Variants in DNAJC15 observed in about 807,000 individuals in gnomAD.
The protein encoded by DNAJC15 is dnaJ homolog subfamily C member 15.
DNAJC15 carries 27 observed loss-of-function variants against 22.4 expected under a neutral mutation model. The ratio of observed to expected loss-of-function variants is 1.20; its 90% CI spans 0.89 to 1.66. The LOEUF (loss-of-function observed/expected upper bound fraction) is 1.66, where lower values mean the gene tolerates loss of function less well. DNAJC15 is among the 40% of genes most tolerant of loss of function. DNAJC15 has a pLI of 0.00. For synonymous variants in DNAJC15, 79 were observed against 63.2 expected, an observed-to-expected ratio of 1.25 and a Z score of -1.19; for missense variants, 208 against 187.1, an observed-to-expected ratio of 1.11 and a Z score of -0.65.
chr13:43,085,915 G>C, intron 5 of DNAJC15, 77 bp downstream of exon 5: 2 of 1,195,816 alleles, frequency 1.7e-6, no homozygotes, highest in Non-Finnish European at 1.2e-6. Flanking sequence ...AGTCATATAT[G>C]ATATATAGTT....
intron 5 of DNAJC15, among the ~76,000 whole-genome samples, chr13:43,086,952 G>A (rs913227273): frequency 6.6e-6 from 1 of 151,590 alleles, no homozygotes; most frequent in African/African-American, 2.4e-5. Flanking sequence ...TCGGAGCAAG[G>A]GATCAGCATT....
chr13:43,061,011 G>T (rs2040556305), intron 1 of DNAJC15, among the ~76,000 whole-genome samples: 1 of 152,176 alleles, frequency 6.6e-6, no homozygotes, highest in Non-Finnish European at 1.5e-5. Flanking sequence ...GATGGGGCCT[G>T]AGAAATTCCT....
chr13:43,085,133 G>A (rs1213910082), intron 4 of DNAJC15, among the ~76,000 whole-genome samples: 1 of 152,164 alleles, frequency 6.6e-6, no homozygotes, highest in Admixed American at 6.5e-5. Context: ...GGAGGCCAAG[G>A]TGGGTGGATC....
At position 43,107,293 on chromosome 13, in the gene DNAJC15, A is replaced by G. The variant is rs773573866; in HGVS notation, c.*45A>G. The G allele has an allele frequency of 7.1e-7, 1 of 1,413,738 alleles. No individual in the cohort carries two copies. Among genetic ancestry groups the G allele is most frequent in the South Asian group, 1.5e-5 (1 of 66,394 alleles). 87.6% of individuals were successfully genotyped at this position (1,413,738 alleles called of 1,614,324 possible). On this transcript the variant is annotated 3_prime_UTR_variant, in exon 6 of 6. Transcript: ENST00000379221. The stretch of plus-strand genomic sequence containing the variant: ...AGGAAAAAAAAAGAGGGGACTTCGA[A>G]AAAAAAAAAAGCCCTGCAAAATATT...
intron 1 of DNAJC15, among the ~76,000 whole-genome samples, chr13:43,046,808 G>C (rs2040479370): frequency 6.6e-6 from 1 of 152,178 alleles, no homozygotes; most frequent in Non-Finnish European, 1.5e-5. Flanking sequence ...TGCCGTCGCA[G>C]ACCTGCCGCT....
intron 1 of DNAJC15, among the ~76,000 whole-genome samples, chr13:43,057,351 C>G (rs2040536677): frequency 6.6e-6 from 1 of 152,022 alleles, no homozygotes; most frequent in Non-Finnish European, 1.5e-5. Flanking sequence ...AAAGCCTTGT[C>G]TTTGAGCTAT....
chr13:43,041,146 A>G (rs1175253763), intron 1 of DNAJC15, among the ~76,000 whole-genome samples: 3 of 152,076 alleles, frequency 2.0e-5, no homozygotes, highest in African/African-American at 4.8e-5. Flanking sequence ...CATATTTCAG[A>G]CTATCACATG....
At chr13:43,059,953 G>A (rs368860777) in intron 1 of DNAJC15, among the ~76,000 whole-genome samples, 42 of 152,288 alleles carry the variant, frequency 2.8e-4, no homozygotes, top group African/African-American at 1.0e-3. Flanking sequence ...ATCAGTTAGG[G>A]TGGGGCAGAA....
chr13:43,071,849 CT>C (rs1017062808), intron 3 of DNAJC15, among the ~76,000 whole-genome samples: 2 of 151,954 alleles, frequency 1.3e-5, no homozygotes, highest in Non-Finnish European at 2.9e-5. Context: ...CTTTTTCATA[CT>C]TTTTTTTCAT....
chr13:43,045,591 GA>G (rs1440086641), intron 1 of DNAJC15, among the ~76,000 whole-genome samples: 3 of 152,198 alleles, frequency 2.0e-5, no homozygotes, highest in Admixed American at 2.0e-4. Context: ...TACAATGCCT[GA>G]AATCTATGGG....
At chr13:43,102,054 C>G (rs943886332) in intron 5 of DNAJC15, among the ~76,000 whole-genome samples, 5 of 152,184 alleles carry the variant, frequency 3.3e-5, no homozygotes, top group Non-Finnish European at 5.9e-5. Context: ...AGCAGTGTAT[C>G]AGTGTTCCCT....
At chr13:43,068,283 T>C (rs1259319901) in intron 2 of DNAJC15, among the ~76,000 whole-genome samples, 7 of 152,124 alleles carry the variant, frequency 4.6e-5, no homozygotes, top group Non-Finnish European at 4.4e-5. Flanking sequence ...TGTTTTACTA[T>C]TGACTCTTAG....
chr13:43,035,633 G>T (rs1490911892), intron 1 of DNAJC15, among the ~76,000 whole-genome samples: 2 of 152,140 alleles, frequency 1.3e-5, no homozygotes, highest in African/African-American at 4.8e-5. Flanking sequence ...GTACTTAAGA[G>T]ATTTCTATAT....
At chr13:43,069,701 G>C (rs1237977796) in intron 3 of DNAJC15, among the ~76,000 whole-genome samples, 1 of 152,172 alleles carries the variant, frequency 6.6e-6, no homozygotes, top group Non-Finnish European at 1.5e-5. Flanking sequence ...ATCTGGGATA[G>C]ATCAACTTGG....
At chr13:43,024,337 GTTTTTT>G (rs376910976) in intron 1 of DNAJC15, among the ~76,000 whole-genome samples, 2,384 of 93,292 alleles carry the variant, frequency 0.026, 44 homozygotes, top group East Asian at 0.1. Flanking sequence ...GTATTTTTAC[GTTTTTT>G]TTTTTTTTTT....
chr13:43,099,653 T>A (rs1015953558), intron 5 of DNAJC15, among the ~76,000 whole-genome samples: 1 of 152,194 alleles, frequency 6.6e-6, no homozygotes, highest in Non-Finnish European at 1.5e-5. Context: ...ATGTGAATTT[T>A]TTTTTCTTTT....
intron 4 of DNAJC15, among the ~76,000 whole-genome samples, chr13:43,080,121 A>T (rs1257014978): frequency 6.6e-6 from 1 of 152,110 alleles, no homozygotes; most frequent in East Asian, 1.9e-4. Flanking sequence ...CAGGTTTATT[A>T]TAAAGATAAA....
chr13:43,035,997 G>T (rs1015150254), intron 1 of DNAJC15, among the ~76,000 whole-genome samples: 2 of 152,078 alleles, frequency 1.3e-5, no homozygotes, highest in Admixed American at 1.3e-4. Flanking sequence ...AAAGTGCTGG[G>T]ATTACATGTG....
intron 4 of DNAJC15, among the ~76,000 whole-genome samples, chr13:43,084,067 T>C (rs2040676084): frequency 6.6e-6 from 1 of 152,158 alleles, no homozygotes; most frequent in Non-Finnish European, 1.5e-5. Flanking sequence ...GAATCAAGGA[T>C]TGACAGCTGA....
Sources: gnomAD v4.1 joint callset for allele counts (sites outside exome capture counted in the v4.1 genomes callset) on GRCh38, gnomAD v4.1.1 for gene constraint, MANE v1.5 for transcripts, NCBI Gene and HGNC (gene_info 2026-07-23, HGNC 2026-07-21) for gene names.